The following SNED1 variants were observed in gnomAD, a reference collection of about 807,000 sequenced individuals.
SNED1 encodes the protein sushi, nidogen and EGF-like domain-containing protein 1.
A neutral mutation model predicts 166.7 loss-of-function variants in SNED1; 81 were observed. The ratio of observed to expected loss-of-function variants is 0.49; its 90% confidence interval spans 0.41 to 0.58. The LOEUF is 0.58. SNED1 is among the 20% of genes least tolerant of loss of function. The pLI is 0.00. For synonymous variants in SNED1, 762 were observed against 822.0 expected, an observed-to-expected ratio of 0.93 and a Z score of 1.25; for missense variants, 1,604 against 2,000.2, an observed-to-expected ratio of 0.80 and a Z score of 3.78.
chr2:241,019,839 G>A (rs991719614), intron 1 of SNED1, among the ~76,000 whole-genome samples: 2 of 152,160 alleles, frequency 1.3e-5, no homozygotes, highest in Non-Finnish European at 2.9e-5. Flanking sequence ...AGACCAGACC[G>A]CAGACTGGGG....
In SNED1 at chr2:241,062,900, G is replaced by A. The variant is rs1377286791; in HGVS notation, c.2367G>A (p.Glu789=). The part of the protein sequence containing the change: ...CSTGYEGAHC[E]LERDECRAHP... The stretch of plus-strand genomic sequence containing the variant: ...CAGGCTATGAGGGCGCCCACTGTGA[G>A]CTGGGTAAGAGGGGCCCTGGCCCCG... Residue 789 remains glutamate (E), a synonymous_variant, in exon 17 of 32, where the codon GAG becomes GAA. Coordinates refer to ENST00000310397, the MANE Select transcript of SNED1 (RefSeq NM_001080437.3). The A allele has an allele frequency of 1.3e-5, 20 of 1,596,332 alleles. No homozygotes were observed. The highest frequency in any genetic ancestry group is 1.7e-4 in the Middle Eastern group (1 of 6,038).
At position 240,999,140 on chromosome 2, in the gene SNED1, C is replaced by A. The variant is rs2060000491; in HGVS notation, c.213+90C>A. The A allele has an allele frequency of 1.9e-5, 15 of 788,108 alleles. No individual in the cohort carries two copies. In the East Asian group the frequency reaches 5.6e-4, roughly 29 times the overall value. 48.8% of individuals were successfully genotyped at this position (788,108 alleles called of 1,614,324 possible). A position where few individuals can be genotyped will look rare whatever the true frequency, so the allele number is the denominator to read the frequency against. On this transcript the variant is annotated intron_variant, in intron 1 of 31. Transcript: ENST00000310397. This position sits in a 1 kb window ranked among gnomAD's most constrained non-coding sequence, Gnocchi z 5.8. ...GCCGGGCCCGGACTCCCGCCGCCGC[C>A]GCCAGCCACTTGGCACCGGGGCGGC...
Position 241,087,464 on chromosome 2 carries a change from G to A in SNED1, c.4194G>A (p.Lys1398=), listed in dbSNP as rs1466721266. The A allele has an allele frequency of 2.5e-6, 4 of 1,602,532 alleles. No homozygotes were observed. The East Asian group carries it at 9.0e-5, about 36-fold the overall frequency. The change falls in exon 30 of 32, where the codon AAG becomes AAA. Residue 1398 remains lysine (K), a synonymous_variant. Coordinates refer to ENST00000310397, the MANE Select transcript of SNED1 (RefSeq NM_001080437.3). ...KESCESTSLK[K]TPNRKQSKSQ... ...GCTGTGAAAGCACAAGCCTCAAGAA[G>A]ACCCCAAACAGGTGCCTCTGGGGAG...
At chr2:241,057,233 G>T (rs1297627698) in intron 16 of SNED1, among the ~76,000 whole-genome samples, 3 of 151,678 alleles carry the variant, frequency 2.0e-5, no homozygotes, top group Non-Finnish European at 4.4e-5. Flanking sequence ...ACAAAAATTA[G>T]CTGGGCATGG....
intron 16 of SNED1, among the ~76,000 whole-genome samples, chr2:241,060,431 C>T (rs2062195294): frequency 6.6e-6 from 1 of 152,174 alleles, no homozygotes; most frequent in South Asian, 2.1e-4. Context: ...GATCCACCCG[C>T]CTTGGGCTCC....
At chr2:241,039,732 CTCA>C (rs888573839) in intron 6 of SNED1, among the ~76,000 whole-genome samples, 1 of 152,178 alleles carries the variant, frequency 6.6e-6, no homozygotes, top group Non-Finnish European at 1.5e-5. Context: ...CACAGCTCTT[CTCA>C]CAGTCCACTT....
chr2:241,089,842 G>GA, intron 31 of SNED1: 2 of 1,381,130 alleles, frequency 1.4e-6, no homozygotes, highest in Non-Finnish European at 1.9e-6. Context: ...CTGTGTGGCA[G>GA]AGCCCATGCT....
At chr2:241,026,803 G>C (rs924410398) in intron 1 of SNED1, among the ~76,000 whole-genome samples, 4 of 152,146 alleles carry the variant, frequency 2.6e-5, no homozygotes, top group Non-Finnish European at 5.9e-5. Context: ...AATGATTAAA[G>C]TACATTCACA....
chr2:241,064,151 C>T lies in SNED1; in HGVS notation c.2599+26C>T. On this transcript the variant is annotated intron_variant, in intron 19 of 31. Transcript: ENST00000310397. This position sits in a 1 kb window ranked among gnomAD's most constrained non-coding sequence, Gnocchi z 7.0. ...GTAGGGCGGCAGGCCTGCCTGCTCCCCGCCCTCTGCCCGCCTGCTCCCCGC... is the reference window on the plus strand; with the variant it reads ...GTAGGGCGGCAGGCCTGCCTGCTCCTCGCCCTCTGCCCGCCTGCTCCCCGC... 7.0e-7 allele frequency: 1 copy of T among 1,430,040 alleles called. No individual in the cohort carries two copies. Among genetic ancestry groups the T allele is most frequent in the Non-Finnish European group, 9.4e-7 (1 of 1,063,008 alleles). 88.6% of individuals were successfully genotyped at this position (1,430,040 alleles called of 1,614,324 possible).
rs1388394074 is a variant in SNED1, at chr2:241,053,136, G to C, written c.2084-17G>C. On this transcript the variant is annotated splice_polypyrimidine_tract_variant and intron_variant, in intron 15 of 31. Coordinates refer to ENST00000310397, the MANE Select transcript of SNED1 (RefSeq NM_001080437.3). The stretch of plus-strand genomic sequence containing the variant: ...GAAGGCACAGGACCGTGCGAGACAG[G>C]CTGCCGTGCCTTGCAGAGGTGGACT... 1.2e-6 allele frequency: 2 copies of C among 1,603,490 alleles called. No homozygotes were observed. The highest frequency in any genetic ancestry group is 1.7e-6 in the Non-Finnish European group (2 of 1,176,316).
intron 29 of SNED1, among the ~76,000 whole-genome samples, chr2:241,084,609 T>G (rs2063493957): frequency 1.3e-5 from 2 of 152,244 alleles, no homozygotes; most frequent in Admixed American, 1.3e-4. Flanking sequence ...CTTCCACATA[T>G]GCTGTGAACT....
In SNED1 at chr2:241,067,092, G is replaced by A. The variant is rs1044278913; in HGVS notation, c.3011-672G>A. On this transcript the variant is annotated intron_variant, in intron 21 of 31. Coordinates refer to ENST00000310397, the MANE Select transcript of SNED1 (RefSeq NM_001080437.3). Reference sequence around the variant, plus strand: ...GCCGCCCCATGTGAGATCTGCCCTCGGAAGGTATCTGGAGTGAAGACAGAG... The same window carrying A: ...GCCGCCCCATGTGAGATCTGCCCTCAGAAGGTATCTGGAGTGAAGACAGAG... Among the ~76,000 whole-genome samples, 9 of 152,348 alleles carry A rather than the reference G, an allele frequency of 5.9e-5. No individual in the cohort carries two copies. In the South Asian group the frequency reaches 1.0e-3, roughly 18 times the overall value.
intron 1 of SNED1, among the ~76,000 whole-genome samples, 175 bp from the exon 2 acceptor site, chr2:241,030,109 G>A (rs2061119151): frequency 6.6e-6 from 1 of 152,254 alleles, no homozygotes; most frequent in African/African-American, 2.4e-5. Flanking sequence ...GGGTGGAGCA[G>A]GCCATGCTGG....
chr2:241,004,532 T>G (rs1038206161), intron 1 of SNED1, among the ~76,000 whole-genome samples: 1 of 85,920 alleles, frequency 1.2e-5, no homozygotes, highest in Non-Finnish European at 2.6e-5. Context: ...TCTGATTTTA[T>G]TTTTTTGTGA....
chr2:241,068,062 T>C lies in SNED1; in HGVS notation c.3194+115T>C. On this transcript the variant is annotated intron_variant, in intron 22 of 31. Coordinates refer to ENST00000310397, the MANE Select transcript of SNED1 (RefSeq NM_001080437.3). This position sits in a 1 kb window ranked among gnomAD's most constrained non-coding sequence, Gnocchi z 5.3. ...GTGTGTGGACTGTACCACCTGCCGC[T>C]CCTCACCTGAGCGGAGACAAAGGTC... is the stretch of plus-strand genomic sequence containing the variant. 3.0e-6 allele frequency: 3 copies of C among 985,802 alleles called. No homozygotes were observed. The Admixed American group carries it at 7.6e-5, about 25-fold the overall frequency. The allele number at this position is 985,802 out of a possible 1,614,324, so 61.1% of individuals were successfully genotyped here. A position where few individuals can be genotyped will look rare whatever the true frequency, so the allele number is the denominator to read the frequency against.
intron 16 of SNED1, among the ~76,000 whole-genome samples, chr2:241,057,381 AT>A (rs1441429358): frequency 0.063 from 892 of 14,256 alleles, 7 homozygotes; most frequent in Middle Eastern, 0.29. Flanking sequence ...CCATCTCAAA[AT>A]ATATATATAT....
At chr2:241,070,659 A>C (rs1323528179) in intron 24 of SNED1, among the ~76,000 whole-genome samples, 5 of 152,228 alleles carry the variant, frequency 3.3e-5, no homozygotes, top group Non-Finnish European at 5.9e-5. Flanking sequence ...GGCACAGGGC[A>C]GAAGCCGCTC....
At chr2:241,050,106 T>C in intron 12 of SNED1, 173 bp downstream of exon 12, 2 of 680,472 alleles carry the variant, frequency 2.9e-6, no homozygotes, top group Admixed American at 2.1e-5. Flanking sequence ...ACCTCACTGT[T>C]TGGATGGTTC....
rs767510918 is a variant in SNED1, at chr2:241,034,661, G to A, written c.736G>A (p.Gly246Ser). The part of the protein sequence containing the change: ...MAEVETTTNV[G>S]VPGRWAFRID... The stretch of plus-strand genomic sequence containing the variant: ...CGAGGTGGAGACCACCACCAACGTG[G>A]GTGTGCCCGGGCGCTGGGCGTTCAG... Residue 246 changes from glycine (G) to serine (S), a missense_variant, in exon 4 of 32, where the codon GGT (glycine) becomes AGT (serine). Gly to Ser is a moderately conservative substitution (Grantham distance 56, BLOSUM62 0). This residue lies in a region of SNED1 where 1,237 missense variants were observed against 1,620.8 expected (regional missense o/e 0.76). Transcript: ENST00000310397. The A allele has an allele frequency of 1.2e-6, 2 of 1,609,902 alleles. No homozygotes were observed. Among genetic ancestry groups the A allele is most frequent in the Non-Finnish European group, 8.5e-7 (1 of 1,178,726 alleles).
Sources: allele counts gnomAD v4.1 joint callset (sites outside exome capture counted in the v4.1 genomes callset), GRCh38; gene constraint gnomAD v4.1.1; regional missense constraint gnomAD v4.1.1; non-coding constraint Gnocchi (gnomAD v3.1); transcripts MANE v1.5; gene names NCBI Gene and HGNC (gene_info 2026-07-23, HGNC 2026-07-21).